The following PCDHA2 variants were observed in gnomAD, a reference collection of about 807,000 sequenced individuals.
PCDHA2 encodes protocadherin alpha 2, also known as protocadherin alpha-2.
Under a neutral mutation model 66.0 loss-of-function variants are expected in PCDHA2, and 58 were observed. The ratio of observed to expected loss-of-function variants is 0.88; its 90% CI spans 0.71 to 1.09. The LOEUF is 1.09. Ranked by LOEUF, PCDHA2 falls within the 50% of genes least tolerant of loss-of-function variation. The probability of loss-of-function intolerance (pLI) is 0.00; values close to 1 mark genes in which losing one functional copy is unlikely to be tolerated. For missense variants in PCDHA2, 1,267 were observed against 1,242.3 expected (o/e 1.02, Z -0.30); for synonymous variants, 634 against 554.0 (o/e 1.14, Z -2.03).
chr5:140,830,126 T>C, intron 1 of PCDHA2: 1 of 1,613,316 alleles, frequency 6.2e-7, no homozygotes, highest in Non-Finnish European at 8.5e-7. Flanking sequence ...TCCAAAGGCG[T>C]CATCACGGGC....
intron 1 of PCDHA2, among the ~76,000 whole-genome samples, chr5:140,971,036 G>A (rs919714179): frequency 2.0e-5 from 3 of 152,204 alleles, no homozygotes; most frequent in Non-Finnish European, 2.9e-5. Context: ...TTGAAAGCAC[G>A]TAAAAGGGTT....
chr5:140,927,670 C>A lies in PCDHA2; in HGVS notation c.2389-51279C>A, dbSNP rs1006141153. ...GTTATTCCGAGTTCAAGCCTTGGATCCAGATGAAGGGTCCAATGGGGAAGT... is the reference window on the plus strand; with the variant it reads ...GTTATTCCGAGTTCAAGCCTTGGATACAGATGAAGGGTCCAATGGGGAAGT... On this transcript the variant is annotated intron_variant, in intron 1 of 3. Transcript: ENST00000526136. 2.5e-6 allele frequency: 4 copies of A among 1,614,166 alleles called. No homozygotes were observed. The highest frequency in any genetic ancestry group is 3.4e-6 in the Non-Finnish European group (4 of 1,180,028).
chr5:140,895,881 G>A (rs1004872677), intron 1 of PCDHA2, among the ~76,000 whole-genome samples: 22 of 152,176 alleles, frequency 1.4e-4, no homozygotes, highest in East Asian at 1.9e-4. Flanking sequence ...GCGCGATCTC[G>A]GCTCACTGCA....
chr5:141,007,755 CTT>C (rs2098344346), intron 3 of PCDHA2, among the ~76,000 whole-genome samples: 1 of 152,170 alleles, frequency 6.6e-6, no homozygotes, highest in Non-Finnish European at 1.5e-5. Context: ...ACTTTGGACT[CTT>C]ATTGGCCTGG....
intron 1 of PCDHA2, chr5:140,929,269 A>G (rs138062218): frequency 3.0e-5 from 49 of 1,611,106 alleles, no homozygotes; most frequent in African/African-American, 5.3e-5. Context: ...GAATTTGCCA[A>G]TATCCTGTAT....
In PCDHA2 at chr5:140,822,273, A is replaced by G. The variant is rs2150115074; in HGVS notation, c.2388+24921A>G. 5 of 1,614,260 alleles carry G rather than the reference A, an allele frequency of 3.1e-6. No homozygotes were observed. The East Asian group carries it at 1.1e-4, about 36-fold the overall frequency. On this transcript the variant is annotated intron_variant, in intron 1 of 3. Coordinates refer to ENST00000526136, the MANE Select transcript of PCDHA2 (RefSeq NM_018905.3). ...ATTTGGATATTGGAGCAAATGCACA[A>G]TTGAGATACAGGTTAAATCCAAACG...
rs1404110882 is a variant in PCDHA2 at position 140,968,973 on chromosome 5, C to A, written c.2389-9976C>A. On this transcript the variant is annotated intron_variant, in intron 1 of 3. Transcript: ENST00000526136. ...ATCATCAAGTGCTACCGCTACACTG[C>A]GTATGGCACTGCATGCTGTGGAGGC... is the stretch of plus-strand genomic sequence containing the variant. The A allele has an allele frequency of 6.2e-7, 1 of 1,614,194 alleles. No homozygotes were observed. The highest frequency in any genetic ancestry group is 1.3e-5 in the African/African-American group (1 of 75,044).
In PCDHA2 at chr5:140,877,219, C is replaced by T. The variant is rs200698690; in HGVS notation, c.2388+79867C>T. 9 of 1,613,720 alleles carry T rather than the reference C, an allele frequency of 5.6e-6. No homozygotes were observed. Among genetic ancestry groups the T allele is most frequent in the East Asian group, 4.5e-5 (2 of 44,860 alleles). Reference sequence around the variant, plus strand: ...AGGCGCAGTTAGCGAGTTGGTACCGCGGTCGGTGGGTGCGGGCCACGTGGT... The same window carrying T: ...AGGCGCAGTTAGCGAGTTGGTACCGTGGTCGGTGGGTGCGGGCCACGTGGT... On this transcript the variant is annotated intron_variant, in intron 1 of 3. Transcript: ENST00000526136.
intron 1 of PCDHA2, chr5:140,968,901 T>A (rs1321022294): frequency 6.2e-7 from 1 of 1,614,106 alleles, no homozygotes; most frequent in Non-Finnish European, 8.5e-7. Flanking sequence ...ATAATAGCAT[T>A]AAGCACAGTG....
intron 1 of PCDHA2, among the ~76,000 whole-genome samples, chr5:140,937,187 G>A (rs1443565443): frequency 6.6e-6 from 1 of 151,764 alleles, no homozygotes; most frequent in Non-Finnish European, 1.5e-5. Context: ...ACAGGCGCCC[G>A]CCACCATGCC....
chr5:140,934,040 T>C (rs185239175), intron 1 of PCDHA2, among the ~76,000 whole-genome samples: 230 of 152,238 alleles, frequency 1.5e-3, no homozygotes, highest in African/African-American at 5.3e-3. Flanking sequence ...ATTAATGATA[T>C]TAGTCTTTCC....
Position 140,796,050 on chromosome 5 carries a change from C to G in PCDHA2, c.1086C>G (p.Asn362Lys), listed in dbSNP as rs139541416. Residue 362 changes from asparagine (N) to lysine (K), a missense_variant, in exon 1 of 4, where the codon AAC (asparagine) becomes AAG (lysine). Coordinates refer to ENST00000526136, the MANE Select transcript of PCDHA2 (RefSeq NM_018905.3). ...ITSLSLPISE[N>K]ASLGTVIALI... is the part of the protein sequence containing the mutation. ...CTCTCTCACTTCCCATCTCAGAGAA[C>G]GCTTCCCTGGGCACTGTCATTGCTC... 1.5e-5 allele frequency: 24 copies of G among 1,614,232 alleles called. No homozygotes were observed. The East Asian group carries it at 5.3e-4, about 36-fold the overall frequency.
At chr5:140,809,047 C>G (rs782636095) in intron 1 of PCDHA2, 15 of 1,613,918 alleles carry the variant, frequency 9.3e-6, no homozygotes, top group Non-Finnish European at 1.3e-5. Context: ...GCGCGCGCAT[C>G]CCGTTCCGCG....
At chr5:140,805,005 T>A in intron 1 of PCDHA2, 1 of 1,540,886 alleles carries the variant, frequency 6.5e-7, no homozygotes, top group Non-Finnish European at 8.7e-7. Flanking sequence ...AAAATTTAGT[T>A]CTGTTATCAG....
chr5:140,936,134 C>A (rs782197390), intron 1 of PCDHA2, among the ~76,000 whole-genome samples: 1 of 152,176 alleles, frequency 6.6e-6, no homozygotes, highest in Non-Finnish European at 1.5e-5. Context: ...CTTAAGTGAT[C>A]TGCCCGCCTT....
intron 1 of PCDHA2, chr5:140,859,925 A>T (rs1359267858): frequency 1.3e-5 from 2 of 152,068 alleles, no homozygotes; most frequent in African/African-American, 4.8e-5. Context: ...TAAGTAATAT[A>T]AAAAACTTAG....
In PCDHA2 at chr5:140,857,482, G is replaced by A. The variant is rs782347083; in HGVS notation, c.2388+60130G>A. On this transcript the variant is annotated intron_variant, in intron 1 of 3. Transcript: ENST00000526136. ...GCTGCCACATCTTCACGGTGTCTGC[G>A]TGGGACGCGGACGCGCAGGAGAACG... 2.3e-5 allele frequency: 36 copies of A among 1,598,422 alleles called. 1 individual carries two copies. The highest frequency in any genetic ancestry group is 2.6e-5 in the Non-Finnish European group (30 of 1,167,890).
chr5:140,824,338 T>C, intron 1 of PCDHA2: 3 of 621,360 alleles, frequency 4.8e-6, no homozygotes, highest in Non-Finnish European at 8.3e-6. Context: ...TATTAAGTGT[T>C]TTTAAAATAA....
At position 140,855,779 on chromosome 5, in the gene PCDHA2, A is replaced by T. The variant is rs1017564312; in HGVS notation, c.2388+58427A>T. On this transcript the variant is annotated intron_variant, in intron 1 of 3. Transcript: ENST00000526136. ...AAAGTCCATAGACATAAAAATACGT[A>T]AAAAAAGAATTAACATATGAATGAA... is the stretch of plus-strand genomic sequence containing the variant. 1.2e-5 allele frequency: 5 copies of T among 408,902 alleles called. 1 individual carries two copies. Among genetic ancestry groups the T allele is most frequent in the African/African-American group, 2.0e-5 (1 of 49,354 alleles). The allele number at this position is 408,902 out of a possible 1,614,324, so 25.3% of individuals were successfully genotyped here.
Sources: gnomAD v4.1 joint callset for allele counts (sites outside exome capture counted in the v4.1 genomes callset) on GRCh38, gnomAD v4.1.1 for gene constraint, MANE v1.5 for transcripts, NCBI Gene and HGNC (gene_info 2026-07-23, HGNC 2026-07-21) for gene names.